The following HSD17B12 variants were observed in gnomAD, a reference collection of about 807,000 sequenced individuals.
The protein encoded by HSD17B12 is hydroxysteroid 17-beta dehydrogenase 12.
A neutral mutation model predicts 39.3 loss-of-function variants in HSD17B12; 32 were observed. The ratio of observed to expected loss-of-function variants is 0.81; its 90% CI spans 0.61 to 1.09. The LOEUF (loss-of-function observed/expected upper bound fraction) is 1.09. Among genes scored for constraint, HSD17B12 ranks in the 50% least tolerant of loss-of-function variants. The pLI, the probability that HSD17B12 is intolerant of heterozygous loss-of-function variation, is 0.00. For synonymous variants in HSD17B12, 150 were observed against 146.7 expected (o/e 1.02, Z -0.16); for missense variants, 342 against 382.9 (o/e 0.89, Z 0.89).
At chr11:43,774,282 C>T (rs12363638) in intron 3 of HSD17B12, among the ~76,000 whole-genome samples, 28,490 of 151,600 alleles carry the variant, frequency 0.19, 2,997 homozygotes, top group Middle Eastern at 0.36. Context: ...GGCACAATCT[C>T]GGTTCACTGC....
intron 1 of HSD17B12, among the ~76,000 whole-genome samples, chr11:43,739,750 G>A (rs1326996712): frequency 1.3e-5 from 2 of 152,188 alleles, no homozygotes; most frequent in African/African-American, 2.4e-5. Context: ...CAGAGTGTAC[G>A]TTGGAGGTGT....
intron 3 of HSD17B12, among the ~76,000 whole-genome samples, chr11:43,791,306 C>T (rs1177680498): frequency 1.3e-5 from 2 of 152,040 alleles, no homozygotes; most frequent in African/African-American, 2.4e-5. Context: ...TCAAGGCAGG[C>T]GGATCACCTG....
intron 3 of HSD17B12, chr11:43,755,560 T>A (rs1950500936): frequency 6.6e-6 from 1 of 152,254 alleles, no homozygotes; most frequent in African/African-American, 2.4e-5. Context: ...TTGTTTTAAC[T>A]AACTTCTCAG....
At chr11:43,848,327 A>G (rs1044394960) in intron 9 of HSD17B12, 2 of 152,130 alleles carry the variant, frequency 1.3e-5, no homozygotes, top group Non-Finnish European at 2.9e-5. Context: ...TTTCTTGGCC[A>G]TTTACAACAG....
At chr11:43,671,147 C>G in the HSD17B12 span, among the ~76,000 whole-genome samples, 1 of 152,038 alleles carries the variant, frequency 6.6e-6, no homozygotes, top group Non-Finnish European at 1.5e-5. Context: ...TTTACTTTCC[C>G]TTTCACATGG....
chr11:43,635,149 C>A, the HSD17B12 span, among the ~76,000 whole-genome samples: 1 of 152,086 alleles, frequency 6.6e-6, no homozygotes, highest in Non-Finnish European at 1.5e-5. Flanking sequence ...TACATTGATA[C>A]TTGTTATATT....
chr11:43,606,142 A>G, the HSD17B12 span, among the ~76,000 whole-genome samples: 1 of 152,242 alleles, frequency 6.6e-6, no homozygotes, highest in African/African-American at 2.4e-5. Context: ...AACTATCTCC[A>G]TGAAGGGGCT....
chr11:43,784,617 C>T (rs1033272094), intron 3 of HSD17B12, among the ~76,000 whole-genome samples: 1 of 152,060 alleles, frequency 6.6e-6, no homozygotes, highest in Non-Finnish European at 1.5e-5. Flanking sequence ...CTGAAGTTTT[C>T]TGATGAACCA....
the HSD17B12 span, among the ~76,000 whole-genome samples, chr11:43,557,295 T>C: frequency 6.6e-6 from 1 of 152,278 alleles, no homozygotes; most frequent in African/African-American, 2.4e-5. Context: ...TTCTGCCACT[T>C]GGCCATATCT....
At chr11:43,684,873 C>T (rs1949783681) in intron 1 of HSD17B12, among the ~76,000 whole-genome samples, 1 of 152,212 alleles carries the variant, frequency 6.6e-6, no homozygotes, top group Admixed American at 6.5e-5. Context: ...CCCACCCGCT[C>T]CAGCCCTAGT....
the HSD17B12 span, among the ~76,000 whole-genome samples, chr11:43,635,852 G>A: frequency 6.6e-6 from 1 of 152,304 alleles, no homozygotes; most frequent in East Asian, 1.9e-4. Context: ...CCCAGGTAAT[G>A]CAATGCTTTT....
At chr11:43,731,825 T>G (rs1184613290) in intron 1 of HSD17B12, among the ~76,000 whole-genome samples, 1 of 152,098 alleles carries the variant, frequency 6.6e-6, no homozygotes, top group Non-Finnish European at 1.5e-5. Context: ...CATGTGCAAT[T>G]GAGCTTCAGA....
At chr11:43,748,971 T>C (rs1590716712) in intron 1 of HSD17B12, among the ~76,000 whole-genome samples, 1 of 152,328 alleles carries the variant, frequency 6.6e-6, no homozygotes, top group East Asian at 1.9e-4. Context: ...ATGACCATTT[T>C]GCAACCCCTA....
chr11:43,837,311 A>G (rs1951380653), intron 7 of HSD17B12, among the ~76,000 whole-genome samples: 1 of 152,160 alleles, frequency 6.6e-6, no homozygotes. Context: ...TCAGACAAAG[A>G]ACAATGAGAA....
At chr11:43,641,964 C>G in the HSD17B12 span, among the ~76,000 whole-genome samples, 14 of 151,900 alleles carry the variant, frequency 9.2e-5, no homozygotes, top group South Asian at 2.9e-3. Flanking sequence ...CACATTCTAG[C>G]TTTGTCACCA....
the HSD17B12 span, among the ~76,000 whole-genome samples, chr11:43,634,205 T>C: frequency 6.6e-6 from 1 of 151,214 alleles, no homozygotes; most frequent in East Asian, 1.9e-4. Context: ...TAACCTCAGA[T>C]TGGTCACCTG....
intron 3 of HSD17B12, among the ~76,000 whole-genome samples, chr11:43,757,712 C>CAT (rs1950523734): frequency 8.1e-6 from 1 of 123,932 alleles, no homozygotes; most frequent in African/African-American, 3.3e-5. Flanking sequence ...AAAAAAAGCA[C>CAT]ACACAAAAAA....
chr11:43,653,347 A>C, the HSD17B12 span, among the ~76,000 whole-genome samples: 1 of 152,176 alleles, frequency 6.6e-6, no homozygotes, highest in African/African-American at 2.4e-5. Context: ...ATAAAACTTT[A>C]GAAGAAAATA....
chr11:43,736,214 G>A (rs1950314818), intron 1 of HSD17B12, among the ~76,000 whole-genome samples: 2 of 152,140 alleles, frequency 1.3e-5, no homozygotes, highest in Admixed American at 1.3e-4. Context: ...GCCACCAGAA[G>A]GAATCGCAGG....
Sources: gnomAD v4.1 joint callset for allele counts (sites outside exome capture counted in the v4.1 genomes callset) on GRCh38, gnomAD v4.1.1 for gene constraint, MANE v1.5 for transcripts, NCBI Gene and HGNC (gene_info 2026-07-23, HGNC 2026-07-21) for gene names.